Variants in RNF112 observed in about 807,000 individuals in gnomAD.
RNF112 encodes ring finger protein 112, also known as brain finger protein.
A neutral mutation model predicts 64.7 loss-of-function variants in RNF112; 34 were observed. The observed-to-expected ratio is 0.53, with a 90% CI of 0.40 to 0.70. The LOEUF (loss-of-function observed/expected upper bound fraction) is 0.70, where lower values mean the gene tolerates loss of function less well. RNF112 is among the 30% of genes least tolerant of loss of function. The pLI is 0.00. For synonymous variants in RNF112, 345 were observed against 344.5 expected, an observed-to-expected ratio of 1.00 and a Z score of -0.02; for missense variants, 734 against 850.0, an observed-to-expected ratio of 0.86 and a Z score of 1.70.
rs374984560 is a variant in RNF112, at chr17:19,415,297, A to T, written c.1308A>T (p.Gly436=). The T allele has an allele frequency of 6.2e-7, 1 of 1,609,558 alleles. No homozygotes were observed. ...TGGTATCTCCGCAGAACCTCTCAGG[A>T]TGGATGGGGAGGACAGGGCCCGGTT... ...QLAQEIKNLS[G]WMGRTGPGFT... The change falls in exon 12 of 14, where the codon GGA becomes GGT. Residue 436 remains glycine, a synonymous_variant. Transcript: ENST00000461366. The surrounding 1 kb of genome is among the most constrained non-coding windows in gnomAD (Gnocchi z 7.8).
Position 19,412,152 on chromosome 17 carries a change from G to A in RNF112, c.96-346G>A, listed in dbSNP as rs1227754844. The stretch of plus-strand genomic sequence containing the variant: ...TATTGCTATCCTCTCCATTGGGACA[G>A]TTAGGAAATTGAGGCCCAGAGAGGG... On this transcript the variant is annotated intron_variant, in intron 2 of 13. Transcript: ENST00000461366. The surrounding 1 kb of genome is among the most constrained non-coding windows in gnomAD (Gnocchi z 5.1). Among the ~76,000 whole-genome samples the A allele has an allele frequency of 1.3e-5, 2 of 152,228 alleles. No individual in the cohort carries two copies. The highest frequency in any genetic ancestry group is 2.9e-5 in the Non-Finnish European group (2 of 68,046).
chr17:19,414,984 A>C, intron 10 of RNF112, 54 bp from the exon 11 acceptor site: 4 of 1,580,636 alleles, frequency 2.5e-6, no homozygotes, highest in Non-Finnish European at 3.4e-6. Context: ...GGCCTCTGAC[A>C]CCCCTTCTCC....
chr17:19,411,392 C>T lies in RNF112; in HGVS notation c.-17C>T, dbSNP rs774081387. 1.2e-6 allele frequency: 2 copies of T among 1,609,904 alleles called. No individual in the cohort carries two copies. The highest frequency in any genetic ancestry group is 1.7e-6 in the Non-Finnish European group (2 of 1,179,236). The stretch of plus-strand genomic sequence containing the variant: ...CTCCCCCTCTGCATCCGGACCCTCT[C>T]CCCATCCCAGCCTCCCATGCCAAGG... On this transcript the variant is annotated 5_prime_UTR_variant, in exon 1 of 14. Transcript: ENST00000461366.
chr17:19,411,566 T>C, intron 1 of RNF112, 64 bp from the exon 2 acceptor site: 1 of 1,541,894 alleles, frequency 6.5e-7, no homozygotes, highest in South Asian at 1.2e-5. Context: ...TCCCTGGAAA[T>C]CCAGGGTGAA....
In RNF112 at chr17:19,412,557, G is replaced by T; in HGVS notation, c.155G>T (p.Arg52Leu). The change falls in exon 3 of 14, where the codon CGG becomes CTG. Residue 52 changes from arginine (R) to leucine (L), a missense_variant. Physicochemically the swap from Arg to Leu is moderately radical, Grantham distance 102. Coordinates refer to ENST00000461366, the MANE Select transcript of RNF112 (RefSeq NM_007148.5). This position sits in a 1 kb window ranked among gnomAD's most constrained non-coding sequence, Gnocchi z 5.1. ...LGLGPQPMAPRELPTCSICLE... is the reference protein window; with the variant it reads ...LGLGPQPMAPLELPTCSICLE... ...CTGGGGCCCCAGCCCATGGCGCCCC[G>T]GGAGCTCCCTACCTGCTCCATCTGC... The T allele has an allele frequency of 1.2e-6, 2 of 1,613,304 alleles. No individual in the cohort carries two copies.
chr17:19,415,501 G>A lies in RNF112; in HGVS notation c.1351-17G>A, dbSNP rs1396050543. 1 of 1,606,386 alleles carries A rather than the reference G, an allele frequency of 6.2e-7. No homozygotes were observed. The highest frequency in any genetic ancestry group is 1.1e-5 in the South Asian group (1 of 89,612). ...GAGAAGGAAGGAAGGAGGCAGCCTG[G>A]GTTTTCCCGTGGACAGATGGCTGCT... On this transcript the variant is annotated splice_polypyrimidine_tract_variant and intron_variant, in intron 12 of 13. Transcript: ENST00000461366. This position sits in a 1 kb window ranked among gnomAD's most constrained non-coding sequence, Gnocchi z 7.8.
rs778398873 is a variant in RNF112, at chr17:19,415,697, T to C, written c.1426-8T>C. 1.9e-6 allele frequency: 3 copies of C among 1,603,024 alleles called. No individual in the cohort carries two copies. Among genetic ancestry groups the C allele is most frequent in the East Asian group, 4.5e-5 (2 of 44,716 alleles). On this transcript the variant is annotated splice_polypyrimidine_tract_variant and splice_region_variant and intron_variant, in intron 13 of 13. Transcript: ENST00000461366. This position sits in a 1 kb window ranked among gnomAD's most constrained non-coding sequence, Gnocchi z 7.8. ...TCAGGGCACCTTCTTTTCCCCTCCC[T>C]GTCACAGGACGTAGCCACCAAGCGC...
chr17:19,411,697 G>C, intron 2 of RNF112, 27 bp downstream of exon 2: 1 of 1,571,582 alleles, frequency 6.4e-7, no homozygotes. Flanking sequence ...TCCAGGCTGG[G>C]ATGGGTGCAG....
chr17:19,414,106 C>T lies in RNF112; in HGVS notation c.837C>T (p.Thr279=). 2 of 1,603,026 alleles carry T rather than the reference C, an allele frequency of 1.2e-6. No individual in the cohort carries two copies. The highest frequency in any genetic ancestry group is 1.7e-6 in the Non-Finnish European group (2 of 1,170,704). Residue 279 remains threonine, a synonymous_variant, in exon 7 of 14, where the codon ACC becomes ACT. Transcript: ENST00000461366. ...CTCTCTGATTCCAGATCCTCAGCAC[C>T]TCCCAGGAGCTGAAGGATACAGACC... The part of the protein sequence containing the change: ...TMLSSYQILS[T]SQELKDTDLD...
rs371774534 is a variant in RNF112, at chr17:19,417,014, A to C, written c.*839A>C. ...TACTAGATTCTATCAAAATCTTGCAAAGGAAAACAAAATGAACAACTTCTA... is the reference window on the plus strand; with the variant it reads ...TACTAGATTCTATCAAAATCTTGCACAGGAAAACAAAATGAACAACTTCTA... On this transcript the variant is annotated 3_prime_UTR_variant, in exon 14 of 14. Transcript: ENST00000461366. 6.6e-6 allele frequency: 1 copy of C among 152,084 alleles called. No individual in the cohort carries two copies. The highest frequency in any genetic ancestry group is 1.9e-4 in the East Asian group (1 of 5,172). 9.4% of individuals were successfully genotyped at this position (152,084 alleles called of 1,614,324 possible).
rs17792559 is a variant in RNF112 at position 19,412,361 on chromosome 17, A to G, written c.96-137A>G. On this transcript the variant is annotated intron_variant, in intron 2 of 13. Coordinates refer to ENST00000461366, the MANE Select transcript of RNF112 (RefSeq NM_007148.5). The surrounding 1 kb of genome is among the most constrained non-coding windows in gnomAD (Gnocchi z 5.1). ...TCTCTGGGAGCAGCTCCGCCTGTCC[A>G]TGGAGGCACTGATGGAAATTGGGTT... 5.4e-3 allele frequency: 4,944 copies of G among 922,100 alleles called. 24 individuals are homozygous for G. Among genetic ancestry groups the G allele is most frequent in the Non-Finnish European group, 6.9e-3 (4,297 of 625,246 alleles). 57.1% of individuals were successfully genotyped at this position (922,100 alleles called of 1,614,324 possible).
Position 19,412,933 on chromosome 17 carries a change from C to T in RNF112, c.382-5C>T. The stretch of plus-strand genomic sequence containing the variant: ...CTCAGGGGCCCCTCTCTTCTCCTGG[C>T]CCAGGAGACGTGTCCTGTGAGGGCG... On this transcript the variant is annotated splice_region_variant and splice_polypyrimidine_tract_variant and intron_variant, in intron 3 of 13. Coordinates refer to ENST00000461366, the MANE Select transcript of RNF112 (RefSeq NM_007148.5). The surrounding 1 kb of genome is among the most constrained non-coding windows in gnomAD (Gnocchi z 5.1). The T allele has an allele frequency of 6.3e-7, 1 of 1,579,708 alleles. No individual in the cohort carries two copies. The highest frequency in any genetic ancestry group is 2.3e-5 in the East Asian group (1 of 43,610).
At chr17:19,411,879 G>A (rs1913673455) in intron 2 of RNF112, 1 of 625,790 alleles carries the variant, frequency 1.6e-6, no homozygotes, top group South Asian at 2.0e-5. Context: ...GAGAGCGGAA[G>A]GAATCTTCTA....
At position 19,414,766 on chromosome 17, in the gene RNF112, A is replaced by G; in HGVS notation, c.1009-4A>G. On this transcript the variant is annotated splice_polypyrimidine_tract_variant and splice_region_variant and intron_variant, in intron 9 of 13. Coordinates refer to ENST00000461366, the MANE Select transcript of RNF112 (RefSeq NM_007148.5). ...CTCAGAGCACTCCTCTCGCTGCCTC[A>G]CAGAGATTGTCTGGCAGATACCCCA... The G allele has an allele frequency of 1.2e-6, 2 of 1,613,270 alleles. No individual in the cohort carries two copies. The highest frequency in any genetic ancestry group is 1.1e-5 in the South Asian group (1 of 91,060).
rs531934213 is a variant in RNF112, at chr17:19,411,325, G to A, written c.-84G>A. 17 of 1,361,568 alleles carry A rather than the reference G, an allele frequency of 1.2e-5. No individual in the cohort carries two copies. Among genetic ancestry groups the A allele is most frequent in the African/African-American group, 8.6e-5 (6 of 69,974 alleles). The allele number at this position is 1,361,568 out of a possible 1,614,324, so 84.3% of individuals were successfully genotyped here. A position where few individuals can be genotyped will look rare whatever the true frequency, so the allele number is the denominator to read the frequency against. ...CCTACCGCAGCCTGCTAGCCTTTCC[G>A]GGAGAAAAGGCATCCTTACCTCTGG... On this transcript the variant is annotated 5_prime_UTR_variant, in exon 1 of 14. Transcript: ENST00000461366.
chr17:19,412,946 T>A lies in RNF112; in HGVS notation c.390T>A (p.Cys130Ter). Residue 130 changes from cysteine (C) to a stop codon, truncating the protein, a stop_gained, in exon 4 of 14, where the codon TGT becomes TGA. Transcript: ENST00000461366. LOFTEE classifies it high-confidence loss of function. The surrounding 1 kb of genome is among the most constrained non-coding windows in gnomAD (Gnocchi z 5.1). Reference protein sequence around the residue: ...RPLPPALQETCPVRAEPLLLV... With the variant: ...RPLPPALQET ...CTCTTCTCCTGGCCCAGGAGACGTG[T>A]CCTGTGAGGGCGGAGCCGCTGCTGC... 1 of 1,592,582 alleles carries A rather than the reference T, an allele frequency of 6.3e-7. No homozygotes were observed. The highest frequency in any genetic ancestry group is 8.6e-7 in the Non-Finnish European group (1 of 1,169,542).
chr17:19,413,147 G>A lies in RNF112; in HGVS notation c.588+3G>A, dbSNP rs770527146. The stretch of plus-strand genomic sequence containing the variant: ...TGCTTCAGGGCTTGCCGGGCCTGGT[G>A]AGGGCGGGGCGGGGCAGGAGGGAGG... On this transcript the variant is annotated splice_donor_region_variant and intron_variant, in intron 4 of 13. Transcript: ENST00000461366. This position sits in a 1 kb window ranked among gnomAD's most constrained non-coding sequence, Gnocchi z 5.9. 9 of 1,612,244 alleles carry A rather than the reference G, an allele frequency of 5.6e-6. No individual in the cohort carries two copies. The African/African-American group carries it at 1.2e-4, about 21-fold the overall frequency.
Position 19,413,665 on chromosome 17 carries a change from T to C in RNF112, c.809T>C (p.Met270Thr). 6.2e-7 allele frequency: 1 copy of C among 1,610,394 alleles called. No individual in the cohort carries two copies. The highest frequency in any genetic ancestry group is 8.5e-7 in the Non-Finnish European group (1 of 1,178,346). ...ATCAAGCTCTGTGCTCTCACCACGA[T>C]GCTGAGCTCCTACCAGGTGATGGGG... ...TRIKLCALTT[M>T]LSSYQILSTS... The change falls in exon 6 of 14, where the codon ATG (methionine) becomes ACG (threonine). Residue 270 changes from methionine to threonine, a missense_variant. Met to Thr is a moderately conservative substitution (Grantham distance 81). Coordinates refer to ENST00000461366, the MANE Select transcript of RNF112 (RefSeq NM_007148.5). The surrounding 1 kb of genome is among the most constrained non-coding windows in gnomAD (Gnocchi z 5.9).
In RNF112 at chr17:19,416,343, T is replaced by C. The variant is rs2152300747; in HGVS notation, c.*168T>C. The C allele has an allele frequency of 1.3e-5, 8 of 635,062 alleles. No homozygotes were observed. The highest frequency in any genetic ancestry group is 1.6e-5 in the Non-Finnish European group (6 of 385,740). 39.3% of individuals were successfully genotyped at this position (635,062 alleles called of 1,614,324 possible). On this transcript the variant is annotated 3_prime_UTR_variant, in exon 14 of 14. Transcript: ENST00000461366. ...CAGCTGAGCTGGGACTCAAGGTGGC[T>C]CTTGGAACCTGGGAGGCAGCATCTG...
Sources: gnomAD v4.1 joint callset for allele counts (sites outside exome capture counted in the v4.1 genomes callset) on GRCh38, gnomAD v4.1.1 for gene constraint, Gnocchi (gnomAD v3.1) non-coding constraint, MANE v1.5 for transcripts, NCBI Gene and HGNC (gene_info 2026-07-23, HGNC 2026-07-21) for gene names.